Variants in IL1RAPL2 observed in about 807,000 individuals in gnomAD.
The protein encoded by IL1RAPL2 is interleukin 1 receptor accessory protein like 2.
A neutral mutation model predicts 44.1 loss-of-function variants in IL1RAPL2; 3 were observed. That is an observed-to-expected ratio of 0.07 (90% CI 0.03 to 0.18). The LOEUF is 0.18. Ranked by LOEUF, IL1RAPL2 falls within the 10% of genes least tolerant of loss-of-function variation. IL1RAPL2 has a pLI of 1.00. For synonymous variants in IL1RAPL2, 181 were observed against 178.8 expected (o/e 1.01, Z -0.10); for missense variants, 391 against 496.4 (o/e 0.79, Z 2.02).
chrX:105,668,766 C>A (rs945310982), intron 6 of IL1RAPL2, among the ~76,000 whole-genome samples: 6 of 111,844 alleles, frequency 5.4e-5, no homozygotes, highest in Non-Finnish European at 9.4e-5. Flanking sequence ...GTAGTGTGAC[C>A]ACCCATGTTT....
chrX:105,137,142 C>T (rs1478880197), intron 2 of IL1RAPL2, among the ~76,000 whole-genome samples: 2 of 111,913 alleles, frequency 1.8e-5, no homozygotes, highest in Admixed American at 9.5e-5. Flanking sequence ...GTAGACAGCA[C>T]TGTAAGAGGA....
At chrX:105,495,336 A>G (rs903185838) in intron 6 of IL1RAPL2, among the ~76,000 whole-genome samples, 1 of 112,241 alleles carries the variant, frequency 8.9e-6, no homozygotes, top group African/African-American at 3.2e-5. Context: ...ACCAGTTCTA[A>G]TGAAAAGTCT....
Position 104,722,296 on chromosome X carries a change from T to G in IL1RAPL2, c.82+63301T>G, listed in dbSNP as rs982120813. Reference sequence around the variant, plus strand: ...TTTATTTATAAACAAAAATTTGAATTTTATATTATTTTCATTTGTCATGAA... The same window carrying G: ...TTTATTTATAAACAAAAATTTGAATGTTATATTATTTTCATTTGTCATGAA... On this transcript the variant is annotated intron_variant, in intron 2 of 10. Transcript: ENST00000372582. 7.2e-5 allele frequency among the ~76,000 whole-genome samples: 8 copies of G among 111,719 alleles called. No individual in the cohort carries two copies. The South Asian group carries it at 1.5e-3, about 21-fold the overall frequency.
chrX:105,318,227 C>A (rs2034866306), intron 5 of IL1RAPL2, among the ~76,000 whole-genome samples: 1 of 111,262 alleles, frequency 9.0e-6, no homozygotes, highest in African/African-American at 3.3e-5. Context: ...CCCACCTCGG[C>A]CTCCCAAAGT....
intron 5 of IL1RAPL2, among the ~76,000 whole-genome samples, chrX:105,452,211 AAAG>A (rs1484883495): frequency 9.0e-6 from 1 of 111,718 alleles, no homozygotes; most frequent in Non-Finnish European, 1.9e-5. Flanking sequence ...TTCATATACA[AAAG>A]AAGAAACCCC....
At chrX:104,840,886 T>C (rs1447077303) in intron 2 of IL1RAPL2, among the ~76,000 whole-genome samples, 9 of 109,644 alleles carry the variant, frequency 8.2e-5, no homozygotes, top group Admixed American at 9.8e-5. Flanking sequence ...GATAGTGTTT[T>C]TCCATGTTGG....
At chrX:104,819,668 G>A (rs1921245347) in intron 2 of IL1RAPL2, among the ~76,000 whole-genome samples, 1 of 111,865 alleles carries the variant, frequency 8.9e-6, no homozygotes, top group Non-Finnish European at 1.9e-5. Context: ...CCTAGTACAC[G>A]TTGTCCCTAT....
At chrX:105,320,751 T>C (rs2034891438) in intron 5 of IL1RAPL2, among the ~76,000 whole-genome samples, 1 of 111,841 alleles carries the variant, frequency 8.9e-6, no homozygotes, top group Non-Finnish European at 1.9e-5. Context: ...TGTGTGAATG[T>C]GTAGATGTAT....
intron 6 of IL1RAPL2, among the ~76,000 whole-genome samples, chrX:105,525,888 T>C (rs2036592079): frequency 8.9e-6 from 1 of 111,797 alleles, no homozygotes; most frequent in Non-Finnish European, 1.9e-5. Context: ...CCCTGTCCCA[T>C]GGCACCCTGC....
intron 5 of IL1RAPL2, among the ~76,000 whole-genome samples, chrX:105,294,664 A>C (rs749608411): frequency 1.8e-5 from 2 of 112,461 alleles, no homozygotes; most frequent in Non-Finnish European, 3.8e-5. Flanking sequence ...TAAATCAATC[A>C]GATTTTACTA....
At chrX:105,617,217 G>C (rs1330557321) in intron 6 of IL1RAPL2, among the ~76,000 whole-genome samples, 2 of 110,993 alleles carry the variant, frequency 1.8e-5, no homozygotes, top group Non-Finnish European at 3.8e-5. Context: ...AGGCAACCAA[G>C]AAAATTTCTC....
intron 3 of IL1RAPL2, among the ~76,000 whole-genome samples, chrX:105,218,108 A>G (rs183972446): frequency 5.4e-4 from 60 of 111,706 alleles, no homozygotes; most frequent in African/African-American, 1.9e-3. Context: ...AACTTAAAAA[A>G]AAAATCTGTC....
At chrX:104,830,619 C>T (rs1309827978) in intron 2 of IL1RAPL2, among the ~76,000 whole-genome samples, 1 of 111,758 alleles carries the variant, frequency 8.9e-6, no homozygotes, top group Non-Finnish European at 1.9e-5. Context: ...ATATATATGA[C>T]ATCCATAATG....
At chrX:105,216,613 A>G (rs1219667195) in intron 3 of IL1RAPL2, among the ~76,000 whole-genome samples, 1 of 111,424 alleles carries the variant, frequency 9.0e-6, no homozygotes, top group Non-Finnish European at 1.9e-5. Context: ...TTTAAATTTC[A>G]TATGGAACCA....
At chrX:105,305,369 T>C (rs901283132) in intron 5 of IL1RAPL2, among the ~76,000 whole-genome samples, 5 of 111,349 alleles carry the variant, frequency 4.5e-5, no homozygotes, top group African/African-American at 1.6e-4. Flanking sequence ...CACGCACGGA[T>C]CTATTTTTCA....
At chrX:105,027,345 T>G (rs1486322476) in intron 2 of IL1RAPL2, among the ~76,000 whole-genome samples, 1 of 111,286 alleles carries the variant, frequency 9.0e-6, no homozygotes, top group Non-Finnish European at 1.9e-5. Context: ...GTTAAAAAGC[T>G]TCTGCACACT....
At chrX:104,921,990 A>AC (rs973862340) in intron 2 of IL1RAPL2, among the ~76,000 whole-genome samples, 24 of 110,993 alleles carry the variant, frequency 2.2e-4, no homozygotes, top group African/African-American at 5.6e-4. Context: ...AGGCGCCGCC[A>AC]CCCCCCACTG....
chrX:104,636,127 G>T, intron 1 of IL1RAPL2, among the ~76,000 whole-genome samples: 1 of 112,020 alleles, frequency 8.9e-6, no homozygotes, highest in Non-Finnish European at 1.9e-5. Context: ...CTGTTTGCCT[G>T]GGTATCAGCA....
intron 6 of IL1RAPL2, among the ~76,000 whole-genome samples, chrX:105,670,708 C>G (rs2147852804): frequency 9.1e-6 from 1 of 109,546 alleles, no homozygotes; most frequent in South Asian, 3.8e-4. Flanking sequence ...GATGAGTCAT[C>G]CAATTCACGA....
Sources: gnomAD v4.1 joint callset for allele counts (sites outside exome capture counted in the v4.1 genomes callset) on GRCh38, gnomAD v4.1.1 for gene constraint, MANE v1.5 for transcripts, NCBI Gene and HGNC (gene_info 2026-07-23, HGNC 2026-07-21) for gene names.